The following AGO1 variants were observed in gnomAD, a reference collection of about 807,000 sequenced individuals.
AGO1 encodes the protein protein argonaute-1.
Under a neutral mutation model 109.2 loss-of-function variants are expected in AGO1, and 11 were observed. The ratio of observed to expected loss-of-function variants is 0.10; its 90% confidence interval spans 0.06 to 0.17. The LOEUF (loss-of-function observed/expected upper bound fraction) is 0.17. AGO1 is among the 10% of genes least tolerant of loss of function. The pLI, the probability that AGO1 is intolerant of heterozygous loss-of-function variation, is 1.00. For missense variants in AGO1, 574 were observed against 1,140.3 expected (o/e 0.50, Z 7.15); for synonymous variants, 422 against 418.6 (o/e 1.01, Z -0.10).
At chr1:35,873,982 A>G (rs549061424) in intron 1 of AGO1, among the ~76,000 whole-genome samples, 2 of 152,338 alleles carry the variant, frequency 1.3e-5, no homozygotes, top group African/African-American at 4.8e-5. Context: ...TTCCAACAGC[A>G]TGTGCTCAAA....
At chr1:35,912,434 C>T (rs1050295237) in intron 12 of AGO1, among the ~76,000 whole-genome samples, 5 of 151,710 alleles carry the variant, frequency 3.3e-5, no homozygotes, top group Non-Finnish European at 7.4e-5. Flanking sequence ...ATTTGCATCT[C>T]CATTTCAGAC....
At chr1:35,905,337 A>G (rs1645500051) in intron 11 of AGO1, among the ~76,000 whole-genome samples, 1 of 152,212 alleles carries the variant, frequency 6.6e-6, no homozygotes, top group Admixed American at 6.5e-5. Flanking sequence ...TCTAACATTC[A>G]TTTTGAAAAA....
chr1:35,917,014 A>G (rs891021436), intron 15 of AGO1, among the ~76,000 whole-genome samples: 2 of 152,196 alleles, frequency 1.3e-5, no homozygotes, highest in African/African-American at 2.4e-5. Flanking sequence ...TCTCTACCAT[A>G]CAGTTTTGAC....
At position 35,883,432 on chromosome 1, in the gene AGO1, G is replaced by A; in HGVS notation, c.11G>A (p.Gly4Glu). MEA[G>E]PSGAAAGAYL... is the part of the protein sequence containing the mutation. ...GCACGGGTATATGGGATGGAAGCGGGACCCTCGGGAGCAGGTAAGGGTCCC... is the reference window on the plus strand; with the variant it reads ...GCACGGGTATATGGGATGGAAGCGGAACCCTCGGGAGCAGGTAAGGGTCCC... The change falls in exon 1 of 19, where the codon GGA becomes GAA. Residue 4 changes from glycine to glutamate, a missense_variant. By Grantham distance (98) the Gly-to-Glu change is moderately conservative (BLOSUM62 -2). Coordinates refer to ENST00000373204, the MANE Select transcript of AGO1 (RefSeq NM_012199.5). This position sits in a 1 kb window ranked among gnomAD's most constrained non-coding sequence, Gnocchi z 5.4. The A allele has an allele frequency of 6.4e-7, 1 of 1,572,764 alleles. No homozygotes were observed. The highest frequency in any genetic ancestry group is 8.6e-7 in the Non-Finnish European group (1 of 1,162,290).
rs1184744409 is a variant in AGO1 at position 35,883,589 on chromosome 1, G to T, written c.25+143G>T. ...ATGGGGGCCCAGTTTGAAGGAGGCT[G>T]TGTGCAGTTCCGGGGGAGAACCATG... is the stretch of plus-strand genomic sequence containing the variant. On this transcript the variant is annotated intron_variant, in intron 1 of 18. Coordinates refer to ENST00000373204, the MANE Select transcript of AGO1 (RefSeq NM_012199.5). This position sits in a 1 kb window ranked among gnomAD's most constrained non-coding sequence, Gnocchi z 5.4. The T allele has an allele frequency of 2.3e-6, 3 of 1,293,358 alleles. No individual in the cohort carries two copies. In the East Asian group the frequency reaches 9.2e-5, roughly 39 times the overall value. 80.1% of individuals were successfully genotyped at this position (1,293,358 alleles called of 1,614,324 possible).
chr1:35,907,184 T>C (rs1645538078), intron 12 of AGO1, 65 bp downstream of exon 12: 2 of 1,418,486 alleles, frequency 1.4e-6, no homozygotes, highest in Non-Finnish European at 1.9e-6. Flanking sequence ...CCCTGGGGTC[T>C]CCTGGGAAGG....
chr1:35,903,707 G>A (rs1221074859), intron 11 of AGO1, among the ~76,000 whole-genome samples: 1 of 152,004 alleles, frequency 6.6e-6, no homozygotes, highest in African/African-American at 2.4e-5. Context: ...GCTCCTGCCT[G>A]TAAACCCAGC....
intron 11 of AGO1, 84 bp downstream of exon 11, chr1:35,902,421 T>C (rs1387010234): frequency 1.5e-5 from 23 of 1,531,176 alleles, no homozygotes; most frequent in Admixed American, 3.8e-5. Context: ...GGGCTGATAT[T>C]GATCAGTAAT....
chr1:35,913,401 T>A (rs556800184), intron 12 of AGO1, among the ~76,000 whole-genome samples: 1 of 152,186 alleles, frequency 6.6e-6, no homozygotes, highest in Non-Finnish European at 1.5e-5. Flanking sequence ...TACAACATGC[T>A]CCCCTTGCTC....
chr1:35,884,026 C>T (rs1439907916), intron 1 of AGO1, among the ~76,000 whole-genome samples: 1 of 152,206 alleles, frequency 6.6e-6, no homozygotes, highest in African/African-American at 2.4e-5. Flanking sequence ...GCGGAGGTGG[C>T]AGCTGGAAGG....
At chr1:35,911,018 A>G (rs1295433696) in intron 12 of AGO1, among the ~76,000 whole-genome samples, 2 of 152,200 alleles carry the variant, frequency 1.3e-5, no homozygotes, top group South Asian at 2.1e-4. Context: ...GTGAGCCAAG[A>G]TCGTGCCACT....
Position 35,883,242 on chromosome 1 carries a change from T to G in AGO1, c.-180T>G. 7.6e-7 allele frequency: 1 copy of G among 1,309,840 alleles called. No individual in the cohort carries two copies. The highest frequency in any genetic ancestry group is 3.4e-5 in the East Asian group (1 of 29,764). The allele number at this position is 1,309,840 out of a possible 1,614,324, so 81.1% of individuals were successfully genotyped here. ...CTGGCCGGGCGCTCGCAGTGGGAGC[T>G]GCTGCAGGCTCCGCGGCGGCGGCAA... On this transcript the variant is annotated 5_prime_UTR_variant, in exon 1 of 19. Coordinates refer to ENST00000373204, the MANE Select transcript of AGO1 (RefSeq NM_012199.5). The surrounding 1 kb of genome is among the most constrained non-coding windows in gnomAD (Gnocchi z 5.4).
chr1:35,890,579 A>T (rs1210240392), intron 2 of AGO1, among the ~76,000 whole-genome samples: 1 of 152,168 alleles, frequency 6.6e-6, no homozygotes, highest in Non-Finnish European at 1.5e-5. Context: ...TTTGAGTCTA[A>T]ATTCTGCTAC....
At chr1:35,878,655 C>T (rs1043029951), upstream of AGO1, among the ~76,000 whole-genome samples, 4 of 152,156 alleles carry the variant, frequency 2.6e-5, no homozygotes, top group Non-Finnish European at 5.9e-5. Context: ...AACTCGGCCT[C>T]TTTCTCTTCT....
intron 8 of AGO1, among the ~76,000 whole-genome samples, chr1:35,897,958 C>G (rs990899056): frequency 3.3e-5 from 5 of 152,170 alleles, no homozygotes; most frequent in African/African-American, 1.2e-4. Context: ...TACTTTCAGT[C>G]TCTGGGTATA....
intron 2 of AGO1, among the ~76,000 whole-genome samples, chr1:35,890,493 A>G (rs1181909589): frequency 6.6e-6 from 1 of 152,236 alleles, no homozygotes; most frequent in Non-Finnish European, 1.5e-5. Flanking sequence ...ATACCGGCAC[A>G]TATGGATCTG....
At chr1:35,898,588 T>A (rs1299985134) in intron 8 of AGO1, among the ~76,000 whole-genome samples, 1 of 152,200 alleles carries the variant, frequency 6.6e-6, no homozygotes, top group South Asian at 2.1e-4. Flanking sequence ...GCCTGATTGT[T>A]TCCCAAAGTA....
At chr1:35,891,018 C>T (rs1299687012) in intron 2 of AGO1, among the ~76,000 whole-genome samples, 1 of 152,140 alleles carries the variant, frequency 6.6e-6, no homozygotes, top group Admixed American at 6.5e-5. Context: ...TGCGTACTAT[C>T]CTCTGCCTTT....
chr1:35,891,168 C>G (rs1571345764), intron 2 of AGO1, among the ~76,000 whole-genome samples: 1 of 152,320 alleles, frequency 6.6e-6, no homozygotes, highest in East Asian at 1.9e-4. Flanking sequence ...CTAGGCAGCA[C>G]TGAAGCCTAA....
Sources: gnomAD v4.1 joint callset for allele counts (sites outside exome capture counted in the v4.1 genomes callset) on GRCh38, gnomAD v4.1.1 for gene constraint, Gnocchi (gnomAD v3.1) non-coding constraint, MANE v1.5 for transcripts, NCBI Gene and HGNC (gene_info 2026-07-23, HGNC 2026-07-21) for gene names.